The following TAOK3 variants were observed in gnomAD, a reference collection of about 807,000 sequenced individuals.
TAOK3 encodes serine/threonine-protein kinase TAO3.
TAOK3 carries 40 observed loss-of-function variants against 120.4 expected under a neutral mutation model. That is an observed-to-expected ratio of 0.33 (90% CI 0.26 to 0.43). TAOK3 has a LOEUF of 0.43. Among genes scored for constraint, TAOK3 ranks in the 20% least tolerant of loss-of-function variants. The pLI, the probability that TAOK3 is intolerant of heterozygous loss-of-function variation, is 1.00. For missense variants in TAOK3, 821 were observed against 1,112.1 expected (o/e 0.74, Z 3.72); for synonymous variants, 355 against 387.5 (o/e 0.92, Z 0.99).
intron 3 of TAOK3, among the ~76,000 whole-genome samples, chr12:118,248,842 G>A (rs545738935): frequency 1.8e-4 from 28 of 152,076 alleles, no homozygotes; most frequent in Admixed American, 1.4e-3. Flanking sequence ...TAATGTATAG[G>A]CAGAGACTTG....
At chr12:118,214,387 T>C (rs1216950240) in intron 9 of TAOK3, among the ~76,000 whole-genome samples, 1 of 152,036 alleles carries the variant, frequency 6.6e-6, no homozygotes, top group East Asian at 1.9e-4. Context: ...CTTCAAAAAA[T>C]TGGCTTTTGC....
intron 3 of TAOK3, among the ~76,000 whole-genome samples, chr12:118,252,348 A>G (rs571875851): frequency 6.6e-6 from 1 of 152,218 alleles, no homozygotes; most frequent in South Asian, 2.1e-4. Flanking sequence ...AGTACAGATT[A>G]AGTGGGTTAT....
chr12:118,288,964 T>C (rs1419271471), intron 1 of TAOK3, among the ~76,000 whole-genome samples: 1 of 149,186 alleles, frequency 6.7e-6, no homozygotes, highest in Non-Finnish European at 1.5e-5. Flanking sequence ...GATAGCATGC[T>C]TAGGAACTAT....
intron 13 of TAOK3, among the ~76,000 whole-genome samples, chr12:118,194,640 G>A (rs1202093525): frequency 3.6e-5 from 4 of 110,636 alleles, no homozygotes; most frequent in East Asian, 2.5e-4. Flanking sequence ...TTTTTATCCC[G>A]CAAAGGTGGT....
Position 118,219,321 on chromosome 12 carries a change from G to C in TAOK3, c.644-5211C>G, listed in dbSNP as rs192484544. 2.6e-5 allele frequency among the ~76,000 whole-genome samples: 4 copies of C among 151,640 alleles called. No individual in the cohort carries two copies. The East Asian group carries it at 7.9e-4, about 30-fold the overall frequency. ...AGGCTGGAGTGCAGTGGCGTGATCA[G>C]CTCATTGCAACCTCAAACTCATGGG... is the stretch of plus-strand genomic sequence containing the variant. On this transcript the variant is annotated intron_variant, in intron 9 of 20. Transcript: ENST00000392533.
At chr12:118,286,438 AGATATTACAAAT>A (rs1379069053) in intron 1 of TAOK3, among the ~76,000 whole-genome samples, 3 of 152,200 alleles carry the variant, frequency 2.0e-5, no homozygotes, top group African/African-American at 7.2e-5. Context: ...AATTCTCAAA[AGATATTACAAAT>A]GGCCAACAAA....
chr12:118,214,092 A>G lies in TAOK3; in HGVS notation c.662T>C (p.Leu221Pro). The change falls in exon 10 of 21, where the codon CTT becomes CCT. Residue 221 changes from leucine to proline, a missense_variant. Around this residue, in one of 2 missense-constraint regions of TAOK3, gnomAD observed 467 missense variants for 540.0 expected, o/e 0.86. Coordinates refer to ENST00000392533, the MANE Select transcript of TAOK3 (RefSeq NM_016281.4). ...GGCACTCATTGCATTCATGTTGAAA[A>G]GGGGCGGCTTCCGTTCCGCTGGAAG... ...CIELAERKPPLFNMNAMSALY... is the reference protein window; with the variant it reads ...CIELAERKPPPFNMNAMSALY... 6.2e-7 allele frequency: 1 copy of G among 1,609,582 alleles called. No homozygotes were observed. Among genetic ancestry groups the G allele is most frequent in the Admixed American group, 1.7e-5 (1 of 58,658 alleles).
intron 1 of TAOK3, among the ~76,000 whole-genome samples, chr12:118,350,181 A>T (rs1290262263): frequency 6.6e-6 from 1 of 152,206 alleles, no homozygotes; most frequent in Non-Finnish European, 1.5e-5. Context: ...TCATATATGA[A>T]TGACATCTTG....
intron 11 of TAOK3, among the ~76,000 whole-genome samples, chr12:118,204,492 T>C (rs536165528): frequency 5.3e-5 from 8 of 152,286 alleles, no homozygotes; most frequent in African/African-American, 9.6e-5. Flanking sequence ...CTTAGAGGAA[T>C]TGTGGTTTTT....
chr12:118,200,990 C>A, intron 12 of TAOK3: 1 of 237,502 alleles, frequency 4.2e-6, no homozygotes. Flanking sequence ...GTCTAGAACA[C>A]CCTATGCCCA....
intron 1 of TAOK3, among the ~76,000 whole-genome samples, chr12:118,321,936 C>T (rs1308163435): frequency 1.3e-5 from 2 of 151,940 alleles, no homozygotes; most frequent in Non-Finnish European, 2.9e-5. Flanking sequence ...TTAACAACAA[C>T]CAACCCAAAA....
intron 1 of TAOK3, among the ~76,000 whole-genome samples, chr12:118,287,685 C>T (rs1275820348): frequency 6.6e-6 from 1 of 152,022 alleles, no homozygotes; most frequent in Non-Finnish European, 1.5e-5. Flanking sequence ...CATTTCAACT[C>T]GAAAAGTCTA....
chr12:118,180,576 G>C (rs953583212), intron 15 of TAOK3, among the ~76,000 whole-genome samples: 1 of 152,092 alleles, frequency 6.6e-6, no homozygotes, highest in Non-Finnish European at 1.5e-5. Flanking sequence ...AACGTGGATG[G>C]GGACGAGAGA....
At chr12:118,158,054 C>T (rs1173526968) in intron 19 of TAOK3, among the ~76,000 whole-genome samples, 3 of 152,210 alleles carry the variant, frequency 2.0e-5, no homozygotes, top group East Asian at 1.9e-4. Context: ...ATGGACGAAT[C>T]CAGTGCTAGG....
chr12:118,166,874 A>G lies in TAOK3; in HGVS notation c.1900-4847T>C, dbSNP rs1161842897. Among the ~76,000 whole-genome samples the G allele has an allele frequency of 2.6e-5, 4 of 151,388 alleles. No homozygotes were observed. The Admixed American group carries it at 2.6e-4, about 10-fold the overall frequency. ...CACACACACACACACACACACACGT[A>G]TAAGCCCTGGAGGGAGTGTGGGATA... On this transcript the variant is annotated intron_variant, in intron 17 of 20. Coordinates refer to ENST00000392533, the MANE Select transcript of TAOK3 (RefSeq NM_016281.4).
At chr12:118,199,339 A>G (rs1053914643) in intron 12 of TAOK3, 82 bp from the exon 13 acceptor site, 1 of 1,124,408 alleles carries the variant, frequency 8.9e-7, no homozygotes, top group African/African-American at 1.5e-5. Flanking sequence ...AAGCACACTC[A>G]ATTTTGCAGT....
chr12:118,163,781 G>A (rs1592990659), intron 17 of TAOK3, among the ~76,000 whole-genome samples: 7 of 152,038 alleles, frequency 4.6e-5, no homozygotes, highest in Admixed American at 4.6e-4. Flanking sequence ...GTGTGACTTC[G>A]GCTCACAGCA....
At chr12:118,277,676 G>T (rs2041951662) in intron 1 of TAOK3, among the ~76,000 whole-genome samples, 1 of 151,832 alleles carries the variant, frequency 6.6e-6, no homozygotes, top group African/African-American at 2.4e-5. Context: ...GGCCAGGCTG[G>T]TCTCAAACTC....
chr12:118,162,429 C>G (rs796702385), intron 17 of TAOK3, among the ~76,000 whole-genome samples: 8 of 152,254 alleles, frequency 5.3e-5, no homozygotes, highest in African/African-American at 1.9e-4. Flanking sequence ...GGAAACTTTT[C>G]AAACATAAGA....
Sources: allele counts gnomAD v4.1 joint callset (sites outside exome capture counted in the v4.1 genomes callset), GRCh38; gene constraint gnomAD v4.1.1; regional missense constraint gnomAD v4.1.1; transcripts MANE v1.5; gene names NCBI Gene and HGNC (gene_info 2026-07-23, HGNC 2026-07-21).